CTNND2: variants seen among roughly 807,000 people sequenced by gnomAD.
CTNND2 encodes catenin delta-2.
In CTNND2, 22 loss-of-function variants were observed where a neutral mutation model predicts 144.4. The observed-to-expected ratio is 0.15, with a 90% CI of 0.11 to 0.22. The LOEUF (loss-of-function observed/expected upper bound fraction) is 0.22, where lower values mean the gene tolerates loss of function less well. Among genes scored for constraint, CTNND2 ranks in the 10% least tolerant of loss-of-function variants. CTNND2 has a pLI of 1.00. For synonymous variants in CTNND2, 751 were observed against 695.6 expected (o/e 1.08, Z -1.25); for missense variants, 1,353 against 1,618.8 (o/e 0.84, Z 2.82).
In CTNND2 at chr5:11,193,974, C is replaced by G. The variant is rs142983276; in HGVS notation, c.1975+5474G>C. ...TTTATACTTTGTTTAATATTCAAAA[C>G]TGTTCAGAGTTCACTGTATGAGTTC... is the stretch of plus-strand genomic sequence containing the variant. On this transcript the variant is annotated intron_variant, in intron 11 of 21. Transcript: ENST00000304623. Among the ~76,000 whole-genome samples, 1,318 of 152,262 alleles carry G rather than the reference C, an allele frequency of 8.7e-3. 9 individuals are homozygous for G. Among genetic ancestry groups the G allele is most frequent in the Non-Finnish European group, 0.013 (874 of 68,024 alleles).
At chr5:11,257,739 G>A (rs956748882) in intron 9 of CTNND2, among the ~76,000 whole-genome samples, 3 of 152,154 alleles carry the variant, frequency 2.0e-5, no homozygotes, top group African/African-American at 4.8e-5. Context: ...ACCCTAACAG[G>A]AGCCTGATGG....
intron 3 of CTNND2, among the ~76,000 whole-genome samples, chr5:11,419,039 T>C (rs1762140536): frequency 7.3e-6 from 1 of 137,698 alleles, no homozygotes. Flanking sequence ...TATATAGATA[T>C]ATAGATAGAC....
intron 2 of CTNND2, among the ~76,000 whole-genome samples, chr5:11,626,621 C>T (rs1362841547): frequency 6.6e-6 from 1 of 152,054 alleles, no homozygotes; most frequent in Non-Finnish European, 1.5e-5. Context: ...CTGGTGGCTG[C>T]CACTGTGTAA....
chr5:11,375,756 G>A (rs1285563707), intron 7 of CTNND2, among the ~76,000 whole-genome samples: 1 of 152,160 alleles, frequency 6.6e-6, no homozygotes, highest in Non-Finnish European at 1.5e-5. Context: ...CCCTAGTGAT[G>A]TTAGTGATGC....
intron 3 of CTNND2, among the ~76,000 whole-genome samples, chr5:11,491,759 C>A (rs1230838781): frequency 6.6e-6 from 1 of 152,102 alleles, no homozygotes; most frequent in Non-Finnish European, 1.5e-5. Flanking sequence ...GTTATTGATG[C>A]CAAAATGGAG....
intron 2 of CTNND2, among the ~76,000 whole-genome samples, chr5:11,712,239 T>C (rs978894969): frequency 1.3e-5 from 2 of 152,244 alleles, no homozygotes; most frequent in Non-Finnish European, 2.9e-5. Context: ...TATTCCACAA[T>C]GACTACTTCC....
intron 5 of CTNND2, among the ~76,000 whole-genome samples, 200 bp downstream of exon 5, chr5:11,411,336 A>G (rs1348643795): frequency 6.6e-6 from 1 of 152,182 alleles, no homozygotes; most frequent in Non-Finnish European, 1.5e-5. Context: ...ACTGACTTAA[A>G]AGAGTTTATA....
At chr5:11,441,138 G>A (rs1042461990) in intron 3 of CTNND2, among the ~76,000 whole-genome samples, 1 of 151,966 alleles carries the variant, frequency 6.6e-6, no homozygotes, top group African/African-American at 2.4e-5. Context: ...ATTATATGGG[G>A]ATCATATTTG....
chr5:11,364,096 G>A (rs796123791), intron 8 of CTNND2, among the ~76,000 whole-genome samples: 10 of 152,246 alleles, frequency 6.6e-5, no homozygotes, highest in South Asian at 2.1e-4. Flanking sequence ...GCGTTTTGTC[G>A]TGTGATCTGT....
chr5:11,095,981 A>C (rs937674161), intron 15 of CTNND2, among the ~76,000 whole-genome samples: 1 of 150,158 alleles, frequency 6.7e-6, no homozygotes, highest in Non-Finnish European at 1.5e-5. Context: ...TCATTTGGGG[A>C]CTCCGTTTAC....
intron 1 of CTNND2, among the ~76,000 whole-genome samples, chr5:11,805,045 G>T (rs1339610530): frequency 6.6e-6 from 1 of 152,112 alleles, no homozygotes; most frequent in Admixed American, 6.6e-5. Context: ...TGTTTCCCAT[G>T]GAAGCATGGG....
intron 8 of CTNND2, 57 bp downstream of exon 8, chr5:11,364,639 C>G: frequency 7.0e-7 from 1 of 1,433,506 alleles, no homozygotes; most frequent in East Asian, 2.5e-5. Flanking sequence ...TATTGAAGCT[C>G]CCGCGCAGAG....
At chr5:11,578,781 C>A (rs1778172708) in intron 2 of CTNND2, among the ~76,000 whole-genome samples, 1 of 152,120 alleles carries the variant, frequency 6.6e-6, no homozygotes, top group African/African-American at 2.4e-5. Context: ...CAGTATCACT[C>A]AGTTAGTGGG....
At chr5:11,388,808 A>G (rs183220919) in intron 6 of CTNND2, among the ~76,000 whole-genome samples, 1 of 152,364 alleles carries the variant, frequency 6.6e-6, no homozygotes, top group Non-Finnish European at 1.5e-5. Context: ...AACACATTCC[A>G]ACACATACAG....
chr5:11,676,532 A>C (rs1784183536), intron 2 of CTNND2, among the ~76,000 whole-genome samples: 1 of 152,016 alleles, frequency 6.6e-6, no homozygotes, highest in Non-Finnish European at 1.5e-5. Context: ...GAAGTTTAAG[A>C]ACAGCACTTA....
chr5:11,568,756 T>G (rs1309151115), intron 2 of CTNND2, among the ~76,000 whole-genome samples: 1 of 152,118 alleles, frequency 6.6e-6, no homozygotes, highest in Non-Finnish European at 1.5e-5. Flanking sequence ...AGTTTGGGGT[T>G]TGAGGGAGGA....
intron 18 of CTNND2, among the ~76,000 whole-genome samples, chr5:11,002,722 C>A (rs922501231): frequency 9.2e-5 from 14 of 152,154 alleles, no homozygotes; most frequent in Non-Finnish European, 2.1e-4. Context: ...AGAAACTTGA[C>A]CCTGATGGGG....
chr5:11,671,260 T>A (rs185921318), intron 2 of CTNND2, among the ~76,000 whole-genome samples: 23 of 152,254 alleles, frequency 1.5e-4, no homozygotes, highest in Non-Finnish European at 1.5e-5. Flanking sequence ...TGTCATGGGG[T>A]TGCTCTTCTT....
At chr5:11,390,006 A>G (rs2149806874) in intron 6 of CTNND2, among the ~76,000 whole-genome samples, 1 of 152,312 alleles carries the variant, frequency 6.6e-6, no homozygotes, top group East Asian at 1.9e-4. Flanking sequence ...ATACGCAAGT[A>G]TTCTAAAATC....
Sources: gnomAD v4.1 joint callset for allele counts (sites outside exome capture counted in the v4.1 genomes callset) on GRCh38, gnomAD v4.1.1 for gene constraint, MANE v1.5 for transcripts, NCBI Gene and HGNC (gene_info 2026-07-23, HGNC 2026-07-21) for gene names.